Variants in UBE3C observed in about 807,000 individuals in gnomAD.
UBE3C encodes the protein ubiquitin-protein ligase E3C.
In UBE3C, 42 loss-of-function variants were observed where a neutral mutation model predicts 129.4. The ratio of observed to expected loss-of-function variants is 0.32; its 90% CI spans 0.25 to 0.42. The LOEUF (loss-of-function observed/expected upper bound fraction) is 0.42, where lower values mean the gene tolerates loss of function less well. UBE3C is among the 10% of genes least tolerant of loss of function. The probability of loss-of-function intolerance (pLI) is 1.00; values close to 1 mark genes in which losing one functional copy is unlikely to be tolerated. For synonymous variants in UBE3C, 510 were observed against 492.4 expected (o/e 1.04, Z -0.47); for missense variants, 1,049 against 1,319.1 (o/e 0.80, Z 3.17).
At chr7:157,198,543 T>A (rs1013542117) in intron 10 of UBE3C, 24 of 316,278 alleles carry the variant, frequency 7.6e-5, no homozygotes, top group African/African-American at 3.6e-4. Flanking sequence ...TTTTTTTTTT[T>A]ATTTTTTTCG....
intron 3 of UBE3C, among the ~76,000 whole-genome samples, chr7:157,169,802 T>G (rs1808316470): frequency 6.6e-6 from 1 of 152,170 alleles, no homozygotes; most frequent in South Asian, 2.1e-4. Context: ...TGCCCCAGCC[T>G]CCTGAGTAGC....
chr7:157,221,413 T>A (rs1795732402), intron 15 of UBE3C: 2 of 151,984 alleles, frequency 1.3e-5, no homozygotes, highest in Admixed American at 1.3e-4. Flanking sequence ...TTGTTCCCAG[T>A]CCTCATCAGC....
At chr7:157,226,176 A>G (rs1795873310) in intron 17 of UBE3C, among the ~76,000 whole-genome samples, 1 of 151,890 alleles carries the variant, frequency 6.6e-6, no homozygotes, top group South Asian at 2.1e-4. Flanking sequence ...TTGTATAAAT[A>G]TTTATATGAA....
intron 1 of UBE3C, among the ~76,000 whole-genome samples, chr7:157,154,188 G>T (rs1807840245): frequency 6.6e-6 from 1 of 151,984 alleles, no homozygotes; most frequent in Non-Finnish European, 1.5e-5. Flanking sequence ...AGGTGTGGTG[G>T]CAGGCGGCTG....
chr7:157,170,981 AT>A (rs546962284), intron 4 of UBE3C, among the ~76,000 whole-genome samples: 21 of 147,164 alleles, frequency 1.4e-4, no homozygotes, highest in Admixed American at 2.7e-4. Context: ...GTTAAGGCTA[AT>A]TTTTTTTTTT....
chr7:157,217,916 A>G (rs1343324083), intron 14 of UBE3C, among the ~76,000 whole-genome samples: 1 of 151,936 alleles, frequency 6.6e-6, no homozygotes, highest in Non-Finnish European at 1.5e-5. Flanking sequence ...CCAGCTACTC[A>G]GGAGGCTAAG....
intron 13 of UBE3C, among the ~76,000 whole-genome samples, chr7:157,212,458 A>G (rs1809621624): frequency 6.6e-6 from 1 of 152,224 alleles, no homozygotes; most frequent in East Asian, 1.9e-4. Flanking sequence ...TTGTGATAAT[A>G]TAGCTAGTGC....
chr7:157,148,178 G>T (rs953723611), intron 1 of UBE3C, among the ~76,000 whole-genome samples: 3 of 152,038 alleles, frequency 2.0e-5, no homozygotes, highest in Non-Finnish European at 4.4e-5. Context: ...CGATCTCACT[G>T]CCACCTCCAT....
At chr7:157,206,021 A>T (rs1809423478) in intron 11 of UBE3C, among the ~76,000 whole-genome samples, 1 of 152,206 alleles carries the variant, frequency 6.6e-6, no homozygotes, top group Admixed American at 6.5e-5. Flanking sequence ...CTCATCTAAT[A>T]TATACCTGTA....
intron 10 of UBE3C, 101 bp downstream of exon 10, chr7:157,187,122 G>A: frequency 7.5e-7 from 1 of 1,337,522 alleles, no homozygotes; most frequent in Non-Finnish European, 1.0e-6. Context: ...CTCTTTTCTG[G>A]TAGAGATTGA....
At chr7:157,230,552 A>G (rs766331360) in intron 17 of UBE3C, among the ~76,000 whole-genome samples, 3 of 152,040 alleles carry the variant, frequency 2.0e-5, no homozygotes, top group Non-Finnish European at 2.9e-5. Context: ...AAAATTAGCC[A>G]GGTGTGGTGG....
In UBE3C at chr7:157,182,177, C is replaced by T. The variant is rs1454734780; in HGVS notation, c.840C>T (p.Phe280=). 1 of 1,612,312 alleles carries T rather than the reference C, an allele frequency of 6.2e-7. No individual in the cohort carries two copies. The highest frequency in any genetic ancestry group is 8.5e-7 in the Non-Finnish European group (1 of 1,179,516). The change falls in exon 8 of 23, where the codon TTC becomes TTT. Residue 280 remains phenylalanine, a synonymous_variant. Transcript: ENST00000348165. The part of the protein sequence containing the change: ...AAPFTDQIFH[F]IIPALADAQT... ...CTTTTACAGATCAGATTTTTCATTT[C>T]ATCATTCCGGCGCTTGCAGATGCGC...
At chr7:157,237,848 C>G (rs748786350) in intron 18 of UBE3C, among the ~76,000 whole-genome samples, 16 of 151,694 alleles carry the variant, frequency 1.1e-4, no homozygotes, top group Non-Finnish European at 1.9e-4. Context: ...GAGTTCAAGA[C>G]CATCCTAGGC....
intron 21 of UBE3C, among the ~76,000 whole-genome samples, chr7:157,256,330 A>T (rs1796750203): frequency 6.6e-6 from 1 of 152,016 alleles, no homozygotes; most frequent in Non-Finnish European, 1.5e-5. Context: ...TTTGGTAGAG[A>T]CAGGGTTTCA....
intron 14 of UBE3C, among the ~76,000 whole-genome samples, 175 bp from the exon 15 acceptor site, chr7:157,220,514 T>C (rs1348299674): frequency 2.0e-5 from 3 of 152,180 alleles, no homozygotes; most frequent in Admixed American, 1.3e-4. Context: ...AAAGGACAGC[T>C]AGCATGAGAG....
chr7:157,183,582 CA>C (rs1189830588), intron 8 of UBE3C, among the ~76,000 whole-genome samples: 1 of 152,126 alleles, frequency 6.6e-6, no homozygotes, highest in Non-Finnish European at 1.5e-5. Flanking sequence ...TGAAAAGCCC[CA>C]TTCTGAGTCC....
In UBE3C at chr7:157,178,814, A is replaced by T. The variant is rs1245172151; in HGVS notation, c.583A>T (p.Ile195Phe). The T allele has an allele frequency of 1.2e-6, 2 of 1,614,190 alleles. No individual in the cohort carries two copies. The highest frequency in any genetic ancestry group is 1.7e-6 in the Non-Finnish European group (2 of 1,180,024). Residue 195 changes from isoleucine (I) to phenylalanine (F), a missense_variant, in exon 6 of 23, where the codon ATT becomes TTT. This residue lies in a region of UBE3C where 489 missense variants were observed against 513.8 expected (regional missense o/e 0.95). Transcript: ENST00000348165. ...LQDASYVVSV[I>F]EQILHYMIHN... ...AGATGCTAGCTATGTGGTGTCAGTG[A>T]TTGAACAAATTTTGCACTACATGAT...
intron 18 of UBE3C, among the ~76,000 whole-genome samples, chr7:157,239,953 T>G (rs143732222): frequency 1.5e-4 from 23 of 152,310 alleles, no homozygotes; most frequent in African/African-American, 5.5e-4. Flanking sequence ...GGAAGAGCAG[T>G]GTTCCCAGAC....
rs917285919 is a variant in UBE3C, at chr7:157,169,058, G to A, written c.131G>A (p.Arg44Gln). The change falls in exon 3 of 23, where the codon CGA becomes CAA. Residue 44 changes from arginine to glutamine, a missense_variant. Transcript: ENST00000348165. ...CCTTTTATTGTTTAGGAAGAAAGGC[G>A]AAGGTTGAAAAATGCAATAATTATC... ...EERRKREEER[R>Q]RLKNAIIIQS... 2 of 1,613,652 alleles carry A rather than the reference G, an allele frequency of 1.2e-6. No individual in the cohort carries two copies. Among genetic ancestry groups the A allele is most frequent in the Admixed American group, 1.7e-5 (1 of 59,998 alleles).
Sources: allele counts gnomAD v4.1 joint callset (sites outside exome capture counted in the v4.1 genomes callset), GRCh38; gene constraint gnomAD v4.1.1; regional missense constraint gnomAD v4.1.1; transcripts MANE v1.5; gene names NCBI Gene and HGNC (gene_info 2026-07-23, HGNC 2026-07-21).